Variants in DENND3 observed in about 807,000 individuals in gnomAD.
The protein encoded by DENND3 is DENN domain containing 3.
A neutral mutation model predicts 135.1 loss-of-function variants in DENND3; 88 were observed. That is an observed-to-expected ratio of 0.65 (90% CI 0.55 to 0.78). The LOEUF (loss-of-function observed/expected upper bound fraction) is 0.78, where lower values mean the gene tolerates loss of function less well. DENND3 is among the 30% of genes least tolerant of loss of function. The pLI is 0.00. For missense variants in DENND3, 1,392 were observed against 1,688.4 expected, an observed-to-expected ratio of 0.82 and a Z score of 3.08; for synonymous variants, 693 against 712.3, an observed-to-expected ratio of 0.97 and a Z score of 0.43.
At position 141,167,931 on chromosome 8, in the gene DENND3, A is replaced by G; in HGVS notation, c.1754-73A>G. On this transcript the variant is annotated intron_variant, in intron 12 of 22. Coordinates refer to ENST00000519811, the MANE Select transcript of DENND3 (RefSeq NM_001352890.3). The surrounding 1 kb of genome is among the most constrained non-coding windows in gnomAD (Gnocchi z 4.1). Reference sequence around the variant, plus strand: ...CCAGAGAAACATTGTCCTTGACAAGATGATGTGACAGGGACACGTGTTCAT... The same window carrying G: ...CCAGAGAAACATTGTCCTTGACAAGGTGATGTGACAGGGACACGTGTTCAT... The G allele has an allele frequency of 6.6e-7, 1 of 1,523,288 alleles. No homozygotes were observed. Among genetic ancestry groups the G allele is most frequent in the Non-Finnish European group, 8.9e-7 (1 of 1,128,802 alleles). 94.4% of individuals were successfully genotyped at this position (1,523,288 alleles called of 1,614,324 possible).
At chr8:141,143,604 C>G (rs1817722583) in intron 4 of DENND3, among the ~76,000 whole-genome samples, 1 of 152,158 alleles carries the variant, frequency 6.6e-6, no homozygotes, top group Non-Finnish European at 1.5e-5. Context: ...GGGGGTCTCA[C>G]TATCTTGCGC....
chr8:141,156,900 T>C (rs1482557357), intron 8 of DENND3, among the ~76,000 whole-genome samples: 2 of 150,812 alleles, frequency 1.3e-5, no homozygotes, highest in Non-Finnish European at 3.0e-5. Context: ...CAAGCGATTC[T>C]CCTGCCTCAG....
Position 141,144,882 on chromosome 8 carries a change from C to G in DENND3, c.735+623C>G, listed in dbSNP as rs1817864084. Among the ~76,000 whole-genome samples, 1 of 152,216 alleles carries G rather than the reference C, an allele frequency of 6.6e-6. No homozygotes were observed. Among genetic ancestry groups the G allele is most frequent in the Admixed American group, 6.5e-5 (1 of 15,284 alleles). ...AAACAGGTATAATGTAGCTTACTTT[C>G]CAACCTGACTCTGGTATAGCATCCA... is the stretch of plus-strand genomic sequence containing the variant. On this transcript the variant is annotated intron_variant, in intron 5 of 22. Transcript: ENST00000519811. The surrounding 1 kb of genome is among the most constrained non-coding windows in gnomAD (Gnocchi z 4.4).
chr8:141,132,811 C>G (rs1254113792), intron 1 of DENND3, among the ~76,000 whole-genome samples: 1 of 152,170 alleles, frequency 6.6e-6, no homozygotes, highest in African/African-American at 2.4e-5. Flanking sequence ...CTAGAGATAA[C>G]TAGAGGAATG....
chr8:141,141,108 C>A lies in DENND3; in HGVS notation c.502-95C>A. 1 of 1,587,000 alleles carries A rather than the reference C, an allele frequency of 6.3e-7. No individual in the cohort carries two copies. The highest frequency in any genetic ancestry group is 1.1e-5 in the South Asian group (1 of 88,932). On this transcript the variant is annotated intron_variant, in intron 3 of 22. Transcript: ENST00000519811. This position sits in a 1 kb window ranked among gnomAD's most constrained non-coding sequence, Gnocchi z 5.3. ...TGCAGGGGTGGGGATGGTGGACTCT[C>A]AGCTTGCTGTGTGCTGAAACGTGAC...
chr8:141,175,294 G>GCTGA lies in DENND3; in HGVS notation c.2373_2374insACTG (p.Val792ThrfsTer8). On this transcript the variant is annotated frameshift_variant, in exon 14 of 23. Coordinates refer to ENST00000519811, the MANE Select transcript of DENND3 (RefSeq NM_001352890.3). LOFTEE classifies it high-confidence loss of function. The surrounding 1 kb of genome is among the most constrained non-coding windows in gnomAD (Gnocchi z 5.4). ...AAGCCCAGGAGGTCAGTCTGCCGTG[G>GCTGA]CTGGTGATGGAACACCTGGATAAAA... 6.2e-7 allele frequency: 1 copy of GCTGA among 1,614,232 alleles called. No individual in the cohort carries two copies. Among genetic ancestry groups the GCTGA allele is most frequent in the Non-Finnish European group, 8.5e-7 (1 of 1,180,040 alleles).
At chr8:141,145,822 TATATATATA>T (rs1817976633) in intron 5 of DENND3, among the ~76,000 whole-genome samples, 1 of 33,536 alleles carries the variant, frequency 3.0e-5, no homozygotes, top group Admixed American at 2.8e-4. Context: ...TATATATATA[TATATATATA>T]TATATATATA....
At position 141,138,485 on chromosome 8, in the gene DENND3, A is replaced by G. The variant is rs1817046754; in HGVS notation, c.501+348A>G. 6.6e-6 allele frequency among the ~76,000 whole-genome samples: 1 copy of G among 151,924 alleles called. No individual in the cohort carries two copies. On this transcript the variant is annotated intron_variant, in intron 3 of 22. Transcript: ENST00000519811. The surrounding 1 kb of genome is among the most constrained non-coding windows in gnomAD (Gnocchi z 4.8). ...ACTGCAACCTCCTTCTCCTGGGTTC[A>G]AGTGGTTCTCCTGCCTCAGCCTCCC...
At position 141,141,935 on chromosome 8, in the gene DENND3, T is replaced by C. The variant is rs1326487642; in HGVS notation, c.623+611T>C. ...GGTGTGTGCCTGTAGTCCCAGCTAC[T>C]GGGAAGGCTAACGCAGGAGGATGGC... On this transcript the variant is annotated intron_variant, in intron 4 of 22. Transcript: ENST00000519811. The surrounding 1 kb of genome is among the most constrained non-coding windows in gnomAD (Gnocchi z 5.3). The C allele has an allele frequency of 5.1e-6, 1 of 195,914 alleles. No homozygotes were observed. The highest frequency in any genetic ancestry group is 1.1e-5 in the Non-Finnish European group (1 of 93,418). 12.1% of individuals were successfully genotyped at this position (195,914 alleles called of 1,614,324 possible).
chr8:141,147,903 T>A (rs1348633192), intron 5 of DENND3, among the ~76,000 whole-genome samples: 4 of 152,218 alleles, frequency 2.6e-5, no homozygotes, highest in African/African-American at 9.7e-5. Flanking sequence ...CCCGTGCGTG[T>A]GTCTGAATGA....
intron 1 of DENND3, among the ~76,000 whole-genome samples, chr8:141,135,970 G>T (rs994802023): frequency 1.3e-5 from 2 of 152,226 alleles, no homozygotes; most frequent in East Asian, 1.9e-4. Flanking sequence ...CCACGTGGGG[G>T]TGTGGAGGGC....
chr8:141,134,660 C>T (rs1816559257), intron 1 of DENND3, among the ~76,000 whole-genome samples: 1 of 152,126 alleles, frequency 6.6e-6, no homozygotes, highest in African/African-American at 2.4e-5. Flanking sequence ...AGTGATGTAG[C>T]GTGCAAATCG....
chr8:141,156,835 A>G (rs1415244471), intron 8 of DENND3, among the ~76,000 whole-genome samples: 2 of 127,014 alleles, frequency 1.6e-5, no homozygotes, highest in Non-Finnish European at 1.6e-5. Flanking sequence ...ACTGTTGCCC[A>G]GGCTGGAGTG....
intron 9 of DENND3, among the ~76,000 whole-genome samples, chr8:141,162,187 T>C (rs1820218006): frequency 6.6e-6 from 1 of 152,220 alleles, no homozygotes; most frequent in African/African-American, 2.4e-5. Context: ...ATTACAGACA[T>C]GTGATATTAT....
intron 15 of DENND3, 186 bp downstream of exon 15, chr8:141,176,947 A>C (rs942250392): frequency 1.4e-5 from 9 of 653,126 alleles, no homozygotes; most frequent in Non-Finnish European, 2.0e-5. Flanking sequence ...TGACCCAGCG[A>C]GAGGCCTCAC....
chr8:141,142,968 T>C (rs73362431), intron 4 of DENND3: 21,906 of 153,158 alleles, frequency 0.14, 2,033 homozygotes, highest in East Asian at 0.48. Flanking sequence ...ACAGATATCC[T>C]CCTGCTAGAC....
chr8:141,188,810 ACT>A (rs1457872272), intron 18 of DENND3, 174 bp from the exon 19 acceptor site: 2 of 708,542 alleles, frequency 2.8e-6, no homozygotes, highest in Non-Finnish European at 4.6e-6. Flanking sequence ...AAGGTTATGC[ACT>A]GATGGGTGGA....
intron 1 of DENND3, among the ~76,000 whole-genome samples, chr8:141,133,130 G>C (rs780579370): frequency 6.6e-6 from 1 of 152,164 alleles, no homozygotes; most frequent in Non-Finnish European, 1.5e-5. Context: ...CAGTGAGCGT[G>C]GGGGGTGGAG....
At chr8:141,176,475 T>C (rs1822385931) in intron 14 of DENND3, 116 bp from the exon 15 acceptor site, 1 of 1,268,960 alleles carries the variant, frequency 7.9e-7, no homozygotes, top group Non-Finnish European at 1.1e-6. Flanking sequence ...GCCAGCAGGA[T>C]GCGTGCCTGC....
Sources: allele counts gnomAD v4.1 joint callset (sites outside exome capture counted in the v4.1 genomes callset), GRCh38; gene constraint gnomAD v4.1.1; non-coding constraint Gnocchi (gnomAD v3.1); transcripts MANE v1.5; gene names NCBI Gene and HGNC (gene_info 2026-07-23, HGNC 2026-07-21).